TIMELESS: variants seen among roughly 807,000 people sequenced by gnomAD.
TIMELESS encodes the protein timeless circadian regulator, also known as protein timeless homolog.
In TIMELESS, 124 loss-of-function variants were observed where a neutral mutation model predicts 164.3. The ratio of observed to expected loss-of-function variants is 0.75; its 90% CI spans 0.65 to 0.88. The LOEUF (loss-of-function observed/expected upper bound fraction) is 0.88. Ranked by LOEUF, TIMELESS falls within the 40% of genes least tolerant of loss-of-function variation. The pLI is 0.00. For synonymous variants in TIMELESS, 564 were observed against 563.4 expected (o/e 1.00, Z -0.02); for missense variants, 1,422 against 1,491.4 (o/e 0.95, Z 0.77).
Position 56,428,957 on chromosome 12 carries a change from G to T in TIMELESS, c.1230C>A (p.Phe410Leu). 1 of 1,614,196 alleles carries T rather than the reference G, an allele frequency of 6.2e-7. No homozygotes were observed. Among genetic ancestry groups the T allele is most frequent in the Non-Finnish European group, 8.5e-7 (1 of 1,180,034 alleles). ...AGTAGTTGGTGAGGTTCTGCTCAAT[G>T]AAGTGGAAGGTACGGACACTGAGGG... ...SETLSVRTFH[F>L]IEQNLTNYYE... is the part of the protein sequence containing the mutation. Residue 410 changes from phenylalanine (F) to leucine (L), a missense_variant, in exon 11 of 29, where the codon TTC (phenylalanine) becomes TTA (leucine). Phe to Leu is a conservative substitution (Grantham distance 22, BLOSUM62 0). Transcript: ENST00000553532.
Position 56,428,997 on chromosome 12 carries a change from C to A in TIMELESS, c.1190G>T (p.Gly397Val), listed in dbSNP as rs762811260. The A allele has an allele frequency of 6.8e-6, 11 of 1,614,026 alleles. No homozygotes were observed. The highest frequency in any genetic ancestry group is 1.7e-5 in the Admixed American group (1 of 59,982). Reference protein sequence around the residue: ...AFNRAASFRPGLVSETLSVRT... With the variant: ...AFNRAASFRPVLVSETLSVRT... ...GACACTGAGGGTCTCAGAAACCAGG[C>A]CTGGCCGGAAGGAGGCAGCTCGGTT... Residue 397 changes from glycine (G) to valine (V), a missense_variant, in exon 11 of 29, where the codon GGC becomes GTC. Physicochemically the swap from Gly to Val is moderately radical, Grantham distance 109. Transcript: ENST00000553532.
chr12:56,448,337 C>T (rs964609083), intron 1 of TIMELESS, among the ~76,000 whole-genome samples: 2 of 151,758 alleles, frequency 1.3e-5, no homozygotes, highest in Admixed American at 6.6e-5. Context: ...ACTGGGGAGG[C>T]GGAGGTTGCA....
At chr12:56,420,029 A>AATATATATATATATATAT (rs1555176448) in intron 26 of TIMELESS, among the ~76,000 whole-genome samples, 1 of 75,190 alleles carries the variant, frequency 1.3e-5, no homozygotes, top group Non-Finnish European at 2.2e-5. Context: ...AAAAAAAAAA[A>AATATATATATATATATAT]ATATATATAT....
Position 56,420,802 on chromosome 12 carries a change from T to C in TIMELESS, c.3109+11A>G, listed in dbSNP as rs1342481059. 4 of 1,614,058 alleles carry C rather than the reference T, an allele frequency of 2.5e-6. No homozygotes were observed. The East Asian group carries it at 6.7e-5, about 27-fold the overall frequency. On this transcript the variant is annotated intron_variant, in intron 25 of 28. Coordinates refer to ENST00000553532, the MANE Select transcript of TIMELESS (RefSeq NM_003920.5). ...GGGCTCTTCTCCTAAAAGTGTCACC[T>C]GTCCACTCACCATCCTCTTCCCGAT...
Position 56,434,112 on chromosome 12 carries a change from A to T in TIMELESS, c.59T>A (p.Leu20Ter), listed in dbSNP as rs775426573. 1.2e-6 allele frequency: 2 copies of T among 1,614,174 alleles called. No individual in the cohort carries two copies. The highest frequency in any genetic ancestry group is 3.3e-5 in the Admixed American group (2 of 60,016). Residue 20 changes from leucine (L) to a stop codon, truncating the protein, a stop_gained, in exon 2 of 29, where the codon TTG (leucine) becomes TAG (stop). Transcript: ENST00000553532. LOFTEE classifies it high-confidence loss of function. The part of the protein sequence containing the change: ...LLATCSALGY[L>*]EGDTYHKEPD... ...TTCCTTATGGTAAGTGTCTCCCTCC[A>T]AGTACCCAAGGGCACTACATGTGGC...
At chr12:56,433,268 A>T in intron 5 of TIMELESS, 113 bp downstream of exon 5, 1 of 1,400,518 alleles carries the variant, frequency 7.1e-7, no homozygotes, top group Non-Finnish European at 1.0e-6. Context: ...GAGACTATGG[A>T]TCGGACTACC....
chr12:56,429,669 TTTTTTTTTTTTTTGTA>T (rs1881806013), intron 10 of TIMELESS, among the ~76,000 whole-genome samples: 1 of 704 alleles, frequency 1.4e-3, no homozygotes, highest in Non-Finnish European at 0.026. Context: ...GCCGGCTAAT[TTTTTTTTTTTTTTGTA>T]TTTTTTTTTT....
chr12:56,441,711 T>C (rs1592257200), intron 1 of TIMELESS, among the ~76,000 whole-genome samples: 1 of 150,368 alleles, frequency 6.7e-6, no homozygotes, highest in South Asian at 2.1e-4. Flanking sequence ...CTATAGTCAG[T>C]TACTAAATGC....
chr12:56,427,934 T>C (rs1881729090), intron 13 of TIMELESS, among the ~76,000 whole-genome samples: 1 of 152,226 alleles, frequency 6.6e-6, no homozygotes. Context: ...CAGAAAATGC[T>C]ATAGCATAAT....
Position 56,429,091 on chromosome 12 carries a change from G to A in TIMELESS, c.1096C>T (p.Leu366Phe). The A allele has an allele frequency of 6.2e-7, 1 of 1,613,468 alleles. No individual in the cohort carries two copies. The highest frequency in any genetic ancestry group is 1.1e-5 in the South Asian group (1 of 91,016). The change falls in exon 11 of 29, where the codon CTT (leucine) becomes TTT (phenylalanine). Residue 366 changes from leucine to phenylalanine, a missense_variant. Physicochemically the swap from Leu to Phe is conservative, Grantham distance 22. Coordinates refer to ENST00000553532, the MANE Select transcript of TIMELESS (RefSeq NM_003920.5). Reference sequence around the variant, plus strand: ...TCATGCTGCTGAGCTTTCTCCCGAAGCAGGTGATCCTGACATTTAAAAAAG... The same window carrying A: ...TCATGCTGCTGAGCTTTCTCCCGAAACAGGTGATCCTGACATTTAAAAAAG... ...RLMGSVKDHL[L>F]REKAQQHDET...
Position 56,433,116 on chromosome 12 carries a change from T to C in TIMELESS, c.441A>G (p.Glu147=), listed in dbSNP as rs1881950246. The change falls in exon 6 of 29, where the codon GAA becomes GAG. Residue 147 remains glutamate (E), a synonymous_variant. Transcript: ENST00000553532. ...LYELLQLGWE[E]RQEEDNLLIE... The stretch of plus-strand genomic sequence containing the variant: ...TCAGCAAGTTGTCTTCCTCCTGCCG[T>C]TCCTCCCAGCCCTAACCAGAAGAGA... 1 of 1,614,114 alleles carries C rather than the reference T, an allele frequency of 6.2e-7. No homozygotes were observed. Among genetic ancestry groups the C allele is most frequent in the African/African-American group, 1.3e-5 (1 of 75,032 alleles).
chr12:56,448,600 G>A (rs1868435559), intron 1 of TIMELESS, among the ~76,000 whole-genome samples: 1 of 150,888 alleles, frequency 6.6e-6, no homozygotes, highest in Admixed American at 6.6e-5. Context: ...ATGGTGGCGC[G>A]CGCCTGTAAT....
rs1410555350 is a variant in TIMELESS, at chr12:56,430,110, C to T, written c.1081G>A (p.Val361Ile). The change falls in exon 10 of 29, where the codon GTA becomes ATA. Residue 361 changes from valine (V) to isoleucine (I), a missense_variant. Coordinates refer to ENST00000553532, the MANE Select transcript of TIMELESS (RefSeq NM_003920.5). ...ENCYNRLMGS[V>I]KDHLLREKAQ... is the part of the protein sequence containing the mutation. Reference sequence around the variant, plus strand: ...TATCCTTCACAGGTTCTCACCTTTACTGATCCCATGAGCCGGTTGTAACAG... The same window carrying T: ...TATCCTTCACAGGTTCTCACCTTTATTGATCCCATGAGCCGGTTGTAACAG... 6.2e-7 allele frequency: 1 copy of T among 1,610,946 alleles called. No individual in the cohort carries two copies. The highest frequency in any genetic ancestry group is 8.5e-7 in the Non-Finnish European group (1 of 1,179,004).
At position 56,423,374 on chromosome 12, in the gene TIMELESS, C is replaced by T. The variant is rs536549677; in HGVS notation, c.2192G>A (p.Arg731Gln). 43 of 1,614,144 alleles carry T rather than the reference C, an allele frequency of 2.7e-5. No individual in the cohort carries two copies. The highest frequency in any genetic ancestry group is 1.6e-4 in the Middle Eastern group (1 of 6,062). ...TTCCATTTTGAGGTCATGGGCCAGC[C>T]GGTGCAGCATCTTCACAATGCAATG... ...TNHCIVKMLHRLAHDLKMEAL... is the reference protein window; with the variant it reads ...TNHCIVKMLHQLAHDLKMEAL... The change falls in exon 18 of 29, where the codon CGG (arginine) becomes CAG (glutamine). Residue 731 changes from arginine to glutamine, a missense_variant. By Grantham distance (43) the Arg-to-Gln change is conservative (BLOSUM62 1). Transcript: ENST00000553532.
At chr12:56,437,117 C>G (rs191827750) in intron 1 of TIMELESS, among the ~76,000 whole-genome samples, 1 of 151,992 alleles carries the variant, frequency 6.6e-6, no homozygotes, top group Admixed American at 6.6e-5. Context: ...TTAGTAGAGA[C>G]GGGGTTTTAC....
In TIMELESS at chr12:56,433,544, G is replaced by T; in HGVS notation, c.360C>A (p.Tyr120Ter). ...FLQVLTYLQA[Y>*]KEAFASEKAF... ...CTCCAAAGGAAATCCTCACCTCTTTGTAGGCCTGCAAATAAGTTAGCACCT... is the reference window on the plus strand; with the variant it reads ...CTCCAAAGGAAATCCTCACCTCTTTTTAGGCCTGCAAATAAGTTAGCACCT... The change falls in exon 4 of 29, where the codon TAC becomes TAA. Residue 120 changes from tyrosine (Y) to a stop codon, truncating the protein, a stop_gained. Coordinates refer to ENST00000553532, the MANE Select transcript of TIMELESS (RefSeq NM_003920.5). LOFTEE classifies it high-confidence loss of function. 6.2e-7 allele frequency: 1 copy of T among 1,614,174 alleles called. No homozygotes were observed. Among genetic ancestry groups the T allele is most frequent in the Non-Finnish European group, 8.5e-7 (1 of 1,180,022 alleles).
intron 10 of TIMELESS, among the ~76,000 whole-genome samples, chr12:56,429,332 G>A (rs1181499528): frequency 6.6e-6 from 1 of 151,798 alleles, no homozygotes; most frequent in East Asian, 1.9e-4. Flanking sequence ...CTGGGTAGCT[G>A]GGATTATAGG....
Position 56,425,090 on chromosome 12 carries a change from A to C in TIMELESS, c.1641T>G (p.Gly547=). The change falls in exon 14 of 29, where the codon GGT becomes GGG. Residue 547 remains glycine, a synonymous_variant. Coordinates refer to ENST00000553532, the MANE Select transcript of TIMELESS (RefSeq NM_003920.5). ...KKVLDQAIVS[G]NVPSSPEEVE... is the part of the protein sequence containing the mutation. ...CTTCTTCTGGGCTAGATGGGACATT[A>C]CCAGAAACAATGGCCTGGTCTAGGA... 1 of 1,614,140 alleles carries C rather than the reference A, an allele frequency of 6.2e-7. No homozygotes were observed. Among genetic ancestry groups the C allele is most frequent in the Non-Finnish European group, 8.5e-7 (1 of 1,180,022 alleles).
In TIMELESS at chr12:56,443,052, C is replaced by T. The variant is rs757269181; in HGVS notation, c.-62+6258G>A. ...TTAACTGTACAAATTGTTTGTAAAA[C>T]GTGTGTTTGAACAATATGAAATCAG... is the stretch of plus-strand genomic sequence containing the variant. On this transcript the variant is annotated intron_variant, in intron 1 of 28. Transcript: ENST00000553532. 6.6e-5 allele frequency among the ~76,000 whole-genome samples: 10 copies of T among 152,240 alleles called. No individual in the cohort carries two copies. The East Asian group carries it at 9.6e-4, about 15-fold the overall frequency.
Sources: gnomAD v4.1 joint callset for allele counts (sites outside exome capture counted in the v4.1 genomes callset) on GRCh38, gnomAD v4.1.1 for gene constraint, MANE v1.5 for transcripts, NCBI Gene and HGNC (gene_info 2026-07-23, HGNC 2026-07-21) for gene names.